The following LOC122539214 variants were observed in gnomAD, a reference collection of about 807,000 sequenced individuals.
At chr19:52,676,079 T>C in the LOC122539214 span, among the ~76,000 whole-genome samples, 5 of 152,038 alleles carry the variant, frequency 3.3e-5, no homozygotes, top group African/African-American at 9.7e-5. Context: ...GCAACCTCCC[T>C]GCCTGATTCT....
chr19:52,659,404 T>C, the LOC122539214 span, among the ~76,000 whole-genome samples: 4 of 152,082 alleles, frequency 2.6e-5, no homozygotes, highest in East Asian at 7.7e-4. Context: ...GGGACAATAG[T>C]TGTCAGCTCA....
chr19:52,676,748 A>G, the LOC122539214 span, among the ~76,000 whole-genome samples: 21 of 139,948 alleles, frequency 1.5e-4, no homozygotes, highest in Non-Finnish European at 2.5e-4. Context: ...AGAAAGAAGT[A>G]GACATGGGAG....
the LOC122539214 span, among the ~76,000 whole-genome samples, chr19:52,668,693 T>A: frequency 1.3e-5 from 2 of 152,154 alleles, no homozygotes; most frequent in Non-Finnish European, 2.9e-5. Flanking sequence ...AAGATGTAAA[T>A]GCCTGGCTAA....
chr19:52,687,419 TATAAA>T, the LOC122539214 span, among the ~76,000 whole-genome samples: 5 of 56,730 alleles, frequency 8.8e-5, no homozygotes, highest in African/African-American at 3.8e-4. Context: ...TAAATTATAA[TATAAA>T]TTATAATTTA....
chr19:52,672,835 C>T, the LOC122539214 span, among the ~76,000 whole-genome samples: 10 of 151,916 alleles, frequency 6.6e-5, no homozygotes, highest in Non-Finnish European at 1.5e-4. Context: ...CCTGACCTTC[C>T]AAAGTGCTGG....
chr19:52,663,587 G>C, the LOC122539214 span, among the ~76,000 whole-genome samples: 1 of 152,172 alleles, frequency 6.6e-6, no homozygotes, highest in Admixed American at 6.5e-5. Context: ...TTTGATGTTA[G>C]TGTAAAGAAA....
chr19:52,665,732 G>A, the LOC122539214 span, among the ~76,000 whole-genome samples: 6 of 152,132 alleles, frequency 3.9e-5, no homozygotes, highest in Middle Eastern at 3.4e-3. Context: ...TAGCCTGTGC[G>A]GTCTAATCCT....
the LOC122539214 span, among the ~76,000 whole-genome samples, chr19:52,689,176 G>A: frequency 1.3e-5 from 2 of 152,180 alleles, no homozygotes; most frequent in Admixed American, 1.3e-4. Flanking sequence ...CTTTTGTAAG[G>A]CCACTTATAA....
chr19:52,661,472 C>T, the LOC122539214 span, among the ~76,000 whole-genome samples: 1 of 152,282 alleles, frequency 6.6e-6, no homozygotes, highest in Admixed American at 6.5e-5. Context: ...CCTCAGTTCT[C>T]AATATGGGGG....
At chr19:52,670,708 T>G in the LOC122539214 span, among the ~76,000 whole-genome samples, 2 of 152,192 alleles carry the variant, frequency 1.3e-5, no homozygotes, top group Non-Finnish European at 2.9e-5. Context: ...GGGAACAGCT[T>G]CTTCTTAGAC....
the LOC122539214 span, chr19:52,652,333 G>A: frequency 1.1e-5 from 3 of 282,594 alleles, no homozygotes; most frequent in Non-Finnish European, 2.1e-5. Flanking sequence ...CTACTCAGGA[G>A]GCTAGGAAGG....
the LOC122539214 span, among the ~76,000 whole-genome samples, chr19:52,657,390 C>G: frequency 6.6e-6 from 1 of 152,084 alleles, no homozygotes; most frequent in East Asian, 1.9e-4. Flanking sequence ...GGGTAGATCA[C>G]TTGAGGTCAG....
At chr19:52,654,170 G>A in the LOC122539214 span, 105 of 1,602,992 alleles carry the variant, frequency 6.6e-5, no homozygotes, top group African/African-American at 1.1e-3. Flanking sequence ...CTTTGATCAC[G>A]TCGGTCTGTA....
chr19:52,689,778 C>A, the LOC122539214 span, among the ~76,000 whole-genome samples: 3 of 151,922 alleles, frequency 2.0e-5, no homozygotes, highest in Non-Finnish European at 4.4e-5. Flanking sequence ...CCCTTTGGCC[C>A]ACACAATCAC....
the LOC122539214 span, chr19:52,652,341 A>T: frequency 8.8e-3 from 2,512 of 286,146 alleles, 15 homozygotes; most frequent in Non-Finnish European, 0.013. Context: ...GAGGCTAGGA[A>T]GGAGAATCGT....
the LOC122539214 span, among the ~76,000 whole-genome samples, chr19:52,680,951 G>T: frequency 0.064 from 9,735 of 151,758 alleles, 395 homozygotes; most frequent in Non-Finnish European, 0.091. Context: ...CACTGTGGAT[G>T]TCTCGGTTTT....
At chr19:52,657,246 C>T in the LOC122539214 span, among the ~76,000 whole-genome samples, 3 of 152,146 alleles carry the variant, frequency 2.0e-5, no homozygotes, top group African/African-American at 4.8e-5. Flanking sequence ...CAGAAACTCT[C>T]GGGCTAAAAA....
chr19:52,684,495 G>A, the LOC122539214 span, among the ~76,000 whole-genome samples: 1 of 148,476 alleles, frequency 6.7e-6, no homozygotes, highest in Non-Finnish European at 1.5e-5. Context: ...ATTGCAGTGA[G>A]CCAAGATCAC....
the LOC122539214 span, among the ~76,000 whole-genome samples, chr19:52,680,844 C>T: frequency 6.6e-6 from 1 of 150,838 alleles, no homozygotes; most frequent in Admixed American, 6.6e-5. Context: ...GATCTCCTGA[C>T]CTCGTGATCC....
Sources: allele counts gnomAD v4.1 joint callset (sites outside exome capture counted in the v4.1 genomes callset), GRCh38; gene constraint gnomAD v4.1.1; transcripts MANE v1.5.